PLPP4: variants seen among roughly 807,000 people sequenced by gnomAD.
PLPP4 encodes phospholipid phosphatase 4.
A neutral mutation model predicts 32.2 loss-of-function variants in PLPP4; 20 were observed. That is an observed-to-expected ratio of 0.62 (90% CI 0.44 to 0.90). The LOEUF is 0.90. Among genes scored for constraint, PLPP4 ranks in the 40% least tolerant of loss-of-function variants. PLPP4 has a pLI of 0.00. For synonymous variants in PLPP4, 127 were observed against 133.0 expected (o/e 0.95, Z 0.31); for missense variants, 257 against 353.1 (o/e 0.73, Z 2.18).
At chr10:120,503,477 A>C (rs1845359409) in intron 1 of PLPP4, 1 of 1,479,346 alleles carries the variant, frequency 6.8e-7, no homozygotes, top group Admixed American at 2.0e-5. Flanking sequence ...TTTTCAAGAG[A>C]CCATGCTGCT....
chr10:120,471,461 G>C (rs1199865482), intron 1 of PLPP4, among the ~76,000 whole-genome samples: 1 of 151,666 alleles, frequency 6.6e-6, no homozygotes, highest in Non-Finnish European at 1.5e-5. Flanking sequence ...ATCTCCTTCT[G>C]ATGCTTGAGC....
rs147789053 is a variant in PLPP4, at chr10:120,471,623, T to C, written c.56+14262T>C. On this transcript the variant is annotated intron_variant, in intron 1 of 6. Coordinates refer to ENST00000398250, the MANE Select transcript of PLPP4 (RefSeq NM_001030059.3). ...TCCATCCTTTTACTTTCAACTTATC[T>C]GTATCTTTATTTTTAACATATGGCT... 3.8e-3 allele frequency among the ~76,000 whole-genome samples: 585 copies of C among 152,214 alleles called. 3 individuals are homozygous for C. The highest frequency in any genetic ancestry group is 0.013 in the African/African-American group (554 of 41,576).
chr10:120,544,366 A>C (rs1847511430), intron 5 of PLPP4, among the ~76,000 whole-genome samples: 1 of 152,212 alleles, frequency 6.6e-6, no homozygotes, highest in South Asian at 2.1e-4. Context: ...CTAGAGTCAA[A>C]GTAAAATGAA....
chr10:120,580,364 A>T (rs992147838), intron 6 of PLPP4, among the ~76,000 whole-genome samples: 5 of 152,078 alleles, frequency 3.3e-5, no homozygotes, highest in African/African-American at 1.2e-4. Context: ...GGCAATTGTC[A>T]ACTGTCATGG....
At chr10:120,562,155 T>C (rs1029506123) in intron 5 of PLPP4, among the ~76,000 whole-genome samples, 1 of 152,202 alleles carries the variant, frequency 6.6e-6, no homozygotes, top group Non-Finnish European at 1.5e-5. Flanking sequence ...TTGCACATCA[T>C]TTATAAGACT....
chr10:120,570,618 C>T (rs915057684), intron 5 of PLPP4, among the ~76,000 whole-genome samples: 3 of 152,064 alleles, frequency 2.0e-5, no homozygotes, highest in East Asian at 1.9e-4. Context: ...AAAGATTTTC[C>T]GCTTGGTTTA....
Position 120,527,713 on chromosome 10 carries a change from TA to T in PLPP4, c.445+6619del, listed in dbSNP as rs139144011. ...AGTTCTTGCTTTGCCTCAGTGTTAT[TA>T]CTGTTGATAGCAGAGTCCTTGAGGG... On this transcript the variant is annotated intron_variant, in intron 5 of 6. Transcript: ENST00000398250. Among the ~76,000 whole-genome samples, 1,390 of 152,320 alleles carry T rather than the reference TA, an allele frequency of 9.1e-3. 21 individuals carry two copies. The highest frequency in any genetic ancestry group is 0.031 in the African/African-American group (1,292 of 41,574).
rs1398137866 is a variant in PLPP4, at chr10:120,506,534, C to T, written c.165+2608C>T. ...CTACATAAAAAAATTCTTGGGGTCT[C>T]CTTTAATTTTGGTTGGAATGTTTTA... On this transcript the variant is annotated intron_variant, in intron 2 of 6. Coordinates refer to ENST00000398250, the MANE Select transcript of PLPP4 (RefSeq NM_001030059.3). Among the ~76,000 whole-genome samples the T allele has an allele frequency of 2.6e-5, 4 of 151,972 alleles. No homozygotes were observed. The East Asian group carries it at 7.7e-4, about 29-fold the overall frequency.
intron 5 of PLPP4, among the ~76,000 whole-genome samples, chr10:120,570,797 T>C (rs1848899011): frequency 6.6e-6 from 1 of 152,222 alleles, no homozygotes; most frequent in Non-Finnish European, 1.5e-5. Context: ...GTTCATGGGA[T>C]GGACCTGGTG....
intron 5 of PLPP4, among the ~76,000 whole-genome samples, chr10:120,537,201 A>G (rs1847071670): frequency 6.6e-6 from 1 of 152,226 alleles, no homozygotes; most frequent in Non-Finnish European, 1.5e-5. Context: ...CCATATCCAA[A>G]GGAAATGAAA....
chr10:120,570,409 T>G (rs183763864), intron 5 of PLPP4, among the ~76,000 whole-genome samples: 135 of 152,232 alleles, frequency 8.9e-4, no homozygotes, highest in African/African-American at 3.0e-3. Context: ...AATGGAAAGT[T>G]TGTATAGATT....
intron 1 of PLPP4, among the ~76,000 whole-genome samples, chr10:120,481,964 G>C (rs1364846546): frequency 2.0e-5 from 3 of 152,188 alleles, no homozygotes; most frequent in Admixed American, 2.0e-4. Context: ...CTCTTTGCCT[G>C]CTACCATCCA....
intron 1 of PLPP4, among the ~76,000 whole-genome samples, chr10:120,457,832 C>G (rs999395643): frequency 1.1e-4 from 17 of 152,312 alleles, no homozygotes; most frequent in African/African-American, 3.8e-4. Context: ...GCCCGCGGTC[C>G]TGGCGAGCGT....
intron 5 of PLPP4, among the ~76,000 whole-genome samples, chr10:120,572,544 CCT>C (rs1848992678): frequency 1.3e-5 from 2 of 152,244 alleles, no homozygotes; most frequent in Non-Finnish European, 2.9e-5. Flanking sequence ...CTGCCTCTCC[CCT>C]GATTCAGATC....
chr10:120,517,244 G>A (rs149692515), intron 3 of PLPP4, among the ~76,000 whole-genome samples: 3,192 of 152,288 alleles, frequency 0.021, 117 homozygotes, highest in African/African-American at 0.073. Flanking sequence ...AAACACAGCC[G>A]TGAGCGTGGC....
At chr10:120,482,673 G>C (rs1844261213) in intron 1 of PLPP4, among the ~76,000 whole-genome samples, 2 of 152,136 alleles carry the variant, frequency 1.3e-5, no homozygotes, top group African/African-American at 4.8e-5. Flanking sequence ...GGGAGGCTGA[G>C]GCGGGCAGAT....
chr10:120,541,847 T>G lies in PLPP4; in HGVS notation c.445+20752T>G, dbSNP rs185262231. On this transcript the variant is annotated intron_variant, in intron 5 of 6. Transcript: ENST00000398250. Reference sequence around the variant, plus strand: ...TGGAATGCAGTGGCACAGTCTCAGCTCACTGCAACCTTTGTCTCCTGGGTT... The same window carrying G: ...TGGAATGCAGTGGCACAGTCTCAGCGCACTGCAACCTTTGTCTCCTGGGTT... 2.0e-5 allele frequency among the ~76,000 whole-genome samples: 3 copies of G among 151,868 alleles called. No homozygotes were observed. In the East Asian group the frequency reaches 5.8e-4, roughly 29 times the overall value.
intron 2 of PLPP4, 25 bp downstream of exon 2, chr10:120,503,951 A>G (rs754366381): frequency 1.4e-6 from 2 of 1,445,694 alleles, no homozygotes; most frequent in Non-Finnish European, 1.9e-6. Context: ...TTCATTCCTT[A>G]TTTGACTGCT....
At chr10:120,575,883 A>T (rs1849200963) in intron 6 of PLPP4, among the ~76,000 whole-genome samples, 1 of 152,172 alleles carries the variant, frequency 6.6e-6, no homozygotes, top group South Asian at 2.1e-4. Flanking sequence ...AATATAACTA[A>T]ACCATGCCAT....
Sources: allele counts gnomAD v4.1 joint callset (sites outside exome capture counted in the v4.1 genomes callset), GRCh38; gene constraint gnomAD v4.1.1; transcripts MANE v1.5; gene names NCBI Gene and HGNC (gene_info 2026-07-23, HGNC 2026-07-21).